Variants in DCBLD1 observed in about 807,000 individuals in gnomAD.
DCBLD1 encodes the protein discoidin, CUB and LCCL domain containing 1, also known as discoidin, CUB and LCCL domain-containing protein 1.
In DCBLD1, 57 loss-of-function variants were observed where a neutral mutation model predicts 71.5. The observed-to-expected ratio is 0.80, with a 90% CI of 0.64 to 0.99. The LOEUF is 0.99. Ranked by LOEUF, DCBLD1 falls within the 50% of genes least tolerant of loss-of-function variation. DCBLD1 has a pLI of 0.00. For missense variants in DCBLD1, 891 were observed against 923.5 expected (o/e 0.96, Z 0.46); for synonymous variants, 380 against 363.8 (o/e 1.04, Z -0.51).
Position 117,512,277 on chromosome 6 carries a change from G to A in DCBLD1, c.326-7539G>A, listed in dbSNP as rs536304572. On this transcript the variant is annotated intron_variant, in intron 2 of 14. Coordinates refer to ENST00000338728, the MANE Select transcript of DCBLD1 (RefSeq NM_001366458.2). ...AAGCCACACCTTTGTCTAAGAATCC[G>A]CCTGCTTCATTTATCATCTGTCACT... 5.9e-5 allele frequency among the ~76,000 whole-genome samples: 9 copies of A among 152,250 alleles called. No individual in the cohort carries two copies. The East Asian group carries it at 1.7e-3, about 29-fold the overall frequency.
intron 3 of DCBLD1, 104 bp downstream of exon 3, chr6:117,520,054 A>G: frequency 2.0e-6 from 3 of 1,537,656 alleles, no homozygotes; most frequent in Non-Finnish European, 2.7e-6. Flanking sequence ...CAGATGCAGA[A>G]TTAAGATATG....
rs1194728599 is a variant in DCBLD1 at position 117,549,127 on chromosome 6, C to G, written c.*688C>G. ...CTGCCCGTTTCCTTAGTCTCCACTT[C>G]AGAGGGGGATGCGAAGAGGTCGGCC... On this transcript the variant is annotated 3_prime_UTR_variant, in exon 15 of 15. Coordinates refer to ENST00000338728, the MANE Select transcript of DCBLD1 (RefSeq NM_001366458.2). 1 of 985,598 alleles carries G rather than the reference C, an allele frequency of 1.0e-6. No individual in the cohort carries two copies. Among genetic ancestry groups the G allele is most frequent in the East Asian group, 1.1e-4 (1 of 8,820 alleles). 61.1% of individuals were successfully genotyped at this position (985,598 alleles called of 1,614,324 possible).
chr6:117,510,008 C>T (rs1777964587), intron 2 of DCBLD1, among the ~76,000 whole-genome samples: 1 of 152,160 alleles, frequency 6.6e-6, no homozygotes, highest in Non-Finnish European at 1.5e-5. Flanking sequence ...TTTTTCTCCT[C>T]TCTCTTTTCA....
At chr6:117,535,526 C>T (rs760326136) in intron 6 of DCBLD1, among the ~76,000 whole-genome samples, 3 of 152,042 alleles carry the variant, frequency 2.0e-5, no homozygotes, top group Non-Finnish European at 4.4e-5. Flanking sequence ...TTAATTCGTT[C>T]AATGGAATGA....
At chr6:117,488,794 G>A (rs1777180742) in intron 1 of DCBLD1, among the ~76,000 whole-genome samples, 1 of 152,218 alleles carries the variant, frequency 6.6e-6, no homozygotes, top group Admixed American at 6.5e-5. Context: ...CCTATGGTCT[G>A]CTAATGCTTA....
At chr6:117,537,306 A>G (rs557407663) in intron 7 of DCBLD1, 81 bp downstream of exon 7, 57 of 1,338,764 alleles carry the variant, frequency 4.3e-5, no homozygotes, top group East Asian at 4.0e-4. Flanking sequence ...AGGCCGAGGC[A>G]GGCGGATCAT....
At chr6:117,536,564 C>T (rs769971315) in intron 6 of DCBLD1, among the ~76,000 whole-genome samples, 37 of 152,302 alleles carry the variant, frequency 2.4e-4, no homozygotes, top group Non-Finnish European at 5.1e-4. Context: ...GTGTTTTCTC[C>T]AGCTGTACCT....
chr6:117,549,469 C>T lies in DCBLD1; in HGVS notation c.*1030C>T. On this transcript the variant is annotated 3_prime_UTR_variant, in exon 15 of 15. Transcript: ENST00000338728. Reference sequence around the variant, plus strand: ...GTCTGTAATTCCAGAACAGTCCAGACATCAGCTGTACCTCATGCTCAGTAG... The same window carrying T: ...GTCTGTAATTCCAGAACAGTCCAGATATCAGCTGTACCTCATGCTCAGTAG... 2.0e-6 allele frequency: 2 copies of T among 985,406 alleles called. No homozygotes were observed. The highest frequency in any genetic ancestry group is 2.4e-6 in the Non-Finnish European group (2 of 829,942). 61.0% of individuals were successfully genotyped at this position (985,406 alleles called of 1,614,324 possible).
chr6:117,484,648 C>G (rs1777022795), intron 1 of DCBLD1, among the ~76,000 whole-genome samples: 1 of 152,188 alleles, frequency 6.6e-6, no homozygotes, highest in Admixed American at 6.5e-5. Flanking sequence ...TGCTTAGATT[C>G]TTACTGGGCT....
At chr6:117,522,881 C>T (rs1036011362) in intron 4 of DCBLD1, among the ~76,000 whole-genome samples, 2 of 152,178 alleles carry the variant, frequency 1.3e-5, no homozygotes, top group African/African-American at 2.4e-5. Context: ...GAGGGCTACA[C>T]ACCTCGTAAG....
chr6:117,507,098 G>A (rs781119357), intron 2 of DCBLD1, among the ~76,000 whole-genome samples: 14 of 152,222 alleles, frequency 9.2e-5, no homozygotes, highest in Admixed American at 2.6e-4. Context: ...AATGTTTGCA[G>A]TGTCTGCCAA....
At chr6:117,539,199 G>C in intron 8 of DCBLD1, 56 bp from the exon 9 acceptor site, 1 of 1,395,482 alleles carries the variant, frequency 7.2e-7, no homozygotes, top group South Asian at 1.5e-5. Context: ...AATTATAATA[G>C]ATGTTATATT....
intron 5 of DCBLD1, among the ~76,000 whole-genome samples, chr6:117,531,026 C>T (rs1455208166): frequency 6.6e-6 from 1 of 152,098 alleles, no homozygotes; most frequent in African/African-American, 2.4e-5. Context: ...AAAACTGACT[C>T]ACTTTGCCAA....
intron 14 of DCBLD1, among the ~76,000 whole-genome samples, chr6:117,558,332 C>T (rs1241333603): frequency 2.6e-5 from 4 of 152,266 alleles, no homozygotes; most frequent in South Asian, 2.1e-4. Flanking sequence ...CTGCTGTAAC[C>T]GGCCAACTCT....
Position 117,548,947 on chromosome 6 carries a change from C to G in DCBLD1, c.*508C>G. 2 of 988,030 alleles carry G rather than the reference C, an allele frequency of 2.0e-6. No homozygotes were observed. Among genetic ancestry groups the G allele is most frequent in the South Asian group, 9.3e-5 (2 of 21,478 alleles). 61.2% of individuals were successfully genotyped at this position (988,030 alleles called of 1,614,324 possible). A position where few individuals can be genotyped will look rare whatever the true frequency, so the allele number is the denominator to read the frequency against. On this transcript the variant is annotated 3_prime_UTR_variant, in exon 15 of 15. Coordinates refer to ENST00000338728, the MANE Select transcript of DCBLD1 (RefSeq NM_001366458.2). Reference sequence around the variant, plus strand: ...TAGTCTTGTTGTTATTGAGTCATTTCCTCTCCTTTGATAACTAGAACTGAA... The same window carrying G: ...TAGTCTTGTTGTTATTGAGTCATTTGCTCTCCTTTGATAACTAGAACTGAA...
chr6:117,567,637 G>A (rs959468479), intron 14 of DCBLD1, among the ~76,000 whole-genome samples: 3 of 151,996 alleles, frequency 2.0e-5, no homozygotes, highest in African/African-American at 7.2e-5. Context: ...ATTCTGTCTC[G>A]TACTAATAGT....
intron 14 of DCBLD1, among the ~76,000 whole-genome samples, chr6:117,568,058 C>T (rs1205059584): frequency 2.0e-5 from 3 of 150,084 alleles, no homozygotes; most frequent in Admixed American, 2.0e-4. Context: ...AATTAGCTGG[C>T]CATGGTGGCA....
chr6:117,558,488 CAA>C (rs1779525107), intron 14 of DCBLD1, among the ~76,000 whole-genome samples: 2 of 152,108 alleles, frequency 1.3e-5, no homozygotes, highest in African/African-American at 4.8e-5. Flanking sequence ...ATTTCAGTCC[CAA>C]GTCTCCAAAA....
chr6:117,493,976 G>A (rs1777384393), intron 1 of DCBLD1, among the ~76,000 whole-genome samples: 1 of 152,124 alleles, frequency 6.6e-6, no homozygotes, highest in African/African-American at 2.4e-5. Context: ...ATGTGTGTGT[G>A]TATATATGTG....
Sources: gnomAD v4.1 joint callset for allele counts (sites outside exome capture counted in the v4.1 genomes callset) on GRCh38, gnomAD v4.1.1 for gene constraint, MANE v1.5 for transcripts, NCBI Gene and HGNC (gene_info 2026-07-23, HGNC 2026-07-21) for gene names.